IGDCC4: variants seen among roughly 807,000 people sequenced by gnomAD.
The protein encoded by IGDCC4 is likely ortholog of mouse neighbor of Punc E11.
A neutral mutation model predicts 116.6 loss-of-function variants in IGDCC4; 72 were observed. The observed-to-expected ratio is 0.62, with a 90% CI of 0.51 to 0.75. The LOEUF (loss-of-function observed/expected upper bound fraction) is 0.75. Among genes scored for constraint, IGDCC4 ranks in the 30% least tolerant of loss-of-function variants. IGDCC4 has a pLI of 0.00. For missense variants in IGDCC4, 1,501 were observed against 1,662.4 expected (o/e 0.90, Z 1.69); for synonymous variants, 709 against 719.9 (o/e 0.98, Z 0.24).
rs74786113 is a variant in IGDCC4, at chr15:65,420,998, A to G, written c.70+1795T>C. ...CAAGCTAGCCTATAAAAGGTGCTCCATAAATATTTGTTGAACGAATGAATG... is the reference window on the plus strand; with the variant it reads ...CAAGCTAGCCTATAAAAGGTGCTCCGTAAATATTTGTTGAACGAATGAATG... On this transcript the variant is annotated intron_variant, in intron 1 of 19. Coordinates refer to ENST00000352385, the MANE Select transcript of IGDCC4 (RefSeq NM_020962.3). 9.7e-3 allele frequency among the ~76,000 whole-genome samples: 1,479 copies of G among 152,316 alleles called. 23 individuals carry two copies. Among genetic ancestry groups the G allele is most frequent in the African/African-American group, 0.034 (1,418 of 41,552 alleles).
Position 65,411,204 on chromosome 15 carries a change from C to T in IGDCC4, c.237G>A (p.Leu79=), listed in dbSNP as rs769772994. The change falls in exon 2 of 20, where the codon CTG becomes CTA. Residue 79 remains leucine, a synonymous_variant. Coordinates refer to ENST00000352385, the MANE Select transcript of IGDCC4 (RefSeq NM_020962.3). ...GCAGGTGTAAGTGGTCGTGCTCCAG[C>T]AGGGTGTCCCCATCCTTGCTCCAGG... The part of the protein sequence containing the change: ...RVTWSKDGDT[L]LEHDHLHLLP... 1 of 1,614,182 alleles carries T rather than the reference C, an allele frequency of 6.2e-7. No individual in the cohort carries two copies. Among genetic ancestry groups the T allele is most frequent in the African/African-American group, 1.3e-5 (1 of 75,044 alleles).
chr15:65,416,112 C>T (rs1317013400), intron 1 of IGDCC4, among the ~76,000 whole-genome samples: 1 of 150,164 alleles, frequency 6.7e-6, no homozygotes, highest in African/African-American at 2.5e-5. Flanking sequence ...TTACGAGGCT[C>T]GCTGACTGCC....
Position 65,396,931 on chromosome 15 carries a change from G to A in IGDCC4, c.900C>T (p.Ala300=). The part of the protein sequence containing the change: ...IVLGRTNLLI[A]NAQPWHSGVY... ...CGCCGGAGTGCCAGGGCTGCGCGTT[G>A]GCAATTAGTAGGTTGGTGCGGCCCA... is the stretch of plus-strand genomic sequence containing the variant. Residue 300 remains alanine, a synonymous_variant, in exon 6 of 20, where the codon GCC becomes GCT. Coordinates refer to ENST00000352385, the MANE Select transcript of IGDCC4 (RefSeq NM_020962.3). 6.3e-7 allele frequency: 1 copy of A among 1,575,920 alleles called. No homozygotes were observed.
chr15:65,405,834 G>A lies in IGDCC4; in HGVS notation c.564-3347C>T, dbSNP rs1373194702. ...AATGAAAAACAATCTCAACTCGAAA[G>A]GAAGGGATGATTCTTTTTCCAGCCT... On this transcript the variant is annotated intron_variant, in intron 3 of 19. Coordinates refer to ENST00000352385, the MANE Select transcript of IGDCC4 (RefSeq NM_020962.3). 2.6e-5 allele frequency among the ~76,000 whole-genome samples: 4 copies of A among 152,196 alleles called. No homozygotes were observed. In the East Asian group the frequency reaches 7.7e-4, roughly 29 times the overall value.
In IGDCC4 at chr15:65,411,239, T is replaced by G. The variant is rs779593483; in HGVS notation, c.202A>C (p.Thr68Pro). The G allele has an allele frequency of 3.1e-6, 5 of 1,614,102 alleles. No homozygotes were observed. The South Asian group carries it at 5.5e-5, about 18-fold the overall frequency. The part of the protein sequence containing the change: ...SLGAAAAGPP[T>P]RVTWSKDGDT... ...CCATCCTTGCTCCAGGTCACCCTGG[T>G]GGGGGGTCCAGCGGCAGCAGCCCCC... The change falls in exon 2 of 20, where the codon ACC (threonine) becomes CCC (proline). Residue 68 changes from threonine (T) to proline (P), a missense_variant. Transcript: ENST00000352385.
At chr15:65,385,563 G>A in intron 18 of IGDCC4, 1 of 585,796 alleles carries the variant, frequency 1.7e-6, no homozygotes, top group East Asian at 2.9e-5. Context: ...CCAGGGATGA[G>A]GAGGGAGCTG....
In IGDCC4 at chr15:65,384,279, T is replaced by A; in HGVS notation, c.3483A>T (p.Pro1161=). ...CACCCGAGATGAGATCAGGAGCCTC[T>A]GGAGGCAGGGGGTCCTCAGGCTCCA... ...QDLEPEDPLP[P]EAPDLISGVG... is the part of the protein sequence containing the mutation. Residue 1161 remains proline (P), a synonymous_variant, in exon 20 of 20, where the codon CCA becomes CCT. Transcript: ENST00000352385. This position sits in a 1 kb window ranked among gnomAD's most constrained non-coding sequence, Gnocchi z 4.9. 6.2e-7 allele frequency: 1 copy of A among 1,605,478 alleles called. No individual in the cohort carries two copies. The highest frequency in any genetic ancestry group is 1.7e-4 in the Middle Eastern group (1 of 6,008).
At chr15:65,403,605 A>G (rs736923) in intron 3 of IGDCC4, among the ~76,000 whole-genome samples, 36,660 of 152,062 alleles carry the variant, frequency 0.24, 5,188 homozygotes, top group East Asian at 0.7. Context: ...AGGATCTCAC[A>G]GGTGGAGCAG....
chr15:65,417,363 C>A (rs2063154108), intron 1 of IGDCC4, among the ~76,000 whole-genome samples: 2 of 152,102 alleles, frequency 1.3e-5, no homozygotes, highest in South Asian at 4.1e-4. Context: ...TCAGCCTATC[C>A]AACAGCAAAG....
chr15:65,402,531 C>T (rs758305012), intron 3 of IGDCC4, 44 bp from the exon 4 acceptor site: 4 of 1,550,546 alleles, frequency 2.6e-6, no homozygotes, highest in Non-Finnish European at 3.5e-6. Flanking sequence ...GGCAGGGGGG[C>T]CACAGGGAGG....
chr15:65,412,511 C>CAAAA (rs3082805), intron 1 of IGDCC4, among the ~76,000 whole-genome samples: 261 of 16,716 alleles, frequency 0.016, 108 homozygotes, highest in African/African-American at 0.036. Flanking sequence ...GATTCCATCT[C>CAAAA]AAAAAAAAAA....
chr15:65,414,978 T>C (rs905227311), intron 1 of IGDCC4, among the ~76,000 whole-genome samples: 14 of 152,186 alleles, frequency 9.2e-5, no homozygotes, highest in African/African-American at 3.1e-4. Context: ...AGGCATGAGC[T>C]ACCATGCCCG....
chr15:65,388,985 T>A lies in IGDCC4; in HGVS notation c.2537-7A>T, dbSNP rs1407504562. 5 of 1,567,364 alleles carry A rather than the reference T, an allele frequency of 3.2e-6. No individual in the cohort carries two copies. The highest frequency in any genetic ancestry group is 4.3e-6 in the Non-Finnish European group (5 of 1,156,326). Reference sequence around the variant, plus strand: ...GATGGGGGTGTGGAGGGCCCTGGGGTGCGGGAGAGGAGATGGGGAGAGATG... The same window carrying A: ...GATGGGGGTGTGGAGGGCCCTGGGGAGCGGGAGAGGAGATGGGGAGAGATG... On this transcript the variant is annotated splice_polypyrimidine_tract_variant and splice_region_variant and intron_variant, in intron 14 of 19. Coordinates refer to ENST00000352385, the MANE Select transcript of IGDCC4 (RefSeq NM_020962.3).
rs773431215 is a variant in IGDCC4 at position 65,411,033 on chromosome 15, G to A, written c.408C>T (p.Val136=). The change falls in exon 2 of 20, where the codon GTC becomes GTT. Residue 136 remains valine (V), a synonymous_variant. Coordinates refer to ENST00000352385, the MANE Select transcript of IGDCC4 (RefSeq NM_020962.3). ...PLGVLASQTA[V]VKLATLADFS... ...GCAAGCACTTACTGGCAAGCTTGAC[G>A]ACAGCAGTCTGGCTGGCCAGCACTC... The A allele has an allele frequency of 1.2e-6, 2 of 1,608,668 alleles. No homozygotes were observed. Among genetic ancestry groups the A allele is most frequent in the African/African-American group, 1.3e-5 (1 of 74,982 alleles).
At chr15:65,410,545 G>T in intron 2 of IGDCC4, 1 of 584,942 alleles carries the variant, frequency 1.7e-6, no homozygotes, top group Non-Finnish European at 3.0e-6. Flanking sequence ...ACATCATCAT[G>T]ATGGTCAAAC....
chr15:65,384,362 T>A lies in IGDCC4; in HGVS notation c.3400A>T (p.Ile1134Phe). 6.4e-7 allele frequency: 1 copy of A among 1,565,308 alleles called. No individual in the cohort carries two copies. The highest frequency in any genetic ancestry group is 8.6e-7 in the Non-Finnish European group (1 of 1,156,734). The stretch of plus-strand genomic sequence containing the variant: ...GATGCACTAAAGTCAGAGTGGACAA[T>A]GACTTCAGCCTCCACCTGGTTCCTG... ...ACRNQVEAEV[I>F]VHSDFSASNG... The change falls in exon 20 of 20, where the codon ATT (isoleucine) becomes TTT (phenylalanine). Residue 1134 changes from isoleucine to phenylalanine, a missense_variant. Transcript: ENST00000352385. The surrounding 1 kb of genome is among the most constrained non-coding windows in gnomAD (Gnocchi z 4.9).
rs1443686616 is a variant in IGDCC4, at chr15:65,390,335, A to G, written c.2228T>C (p.Met743Thr). The stretch of plus-strand genomic sequence containing the variant: ...CAGGGGTGGTCCCCTCTGGATAGGC[A>G]TGTCTGAAAGGTGAAAACTAGAGTG... ...GKTEKAPAPD[M>T]PIQRGPPLPP... is the part of the protein sequence containing the mutation. Residue 743 changes from methionine to threonine, a missense_variant, in exon 13 of 20, where the codon ATG becomes ACG. Around this residue, in one of 3 missense-constraint regions of IGDCC4, gnomAD observed 235 missense variants for 328.0 expected, o/e 0.72. Transcript: ENST00000352385. 12 of 1,590,138 alleles carry G rather than the reference A, an allele frequency of 7.5e-6. No homozygotes were observed. The highest frequency in any genetic ancestry group is 5.4e-5 in the African/African-American group (4 of 74,584).
chr15:65,412,320 T>C (rs2063102257), intron 1 of IGDCC4, among the ~76,000 whole-genome samples: 1 of 151,874 alleles, frequency 6.6e-6, no homozygotes, highest in South Asian at 2.1e-4. Flanking sequence ...AAGACCAGCC[T>C]GACCAACATG....
At chr15:65,399,003 TC>T (rs1418070390) in intron 5 of IGDCC4, among the ~76,000 whole-genome samples, 1 of 152,192 alleles carries the variant, frequency 6.6e-6, no homozygotes, top group African/African-American at 2.4e-5. Context: ...GAAGCTCCTT[TC>T]CAGCCCTTCT....
Sources: gnomAD v4.1 joint callset for allele counts (sites outside exome capture counted in the v4.1 genomes callset) on GRCh38, gnomAD v4.1.1 for gene constraint, gnomAD v4.1.1 regional missense constraint, Gnocchi (gnomAD v3.1) non-coding constraint, MANE v1.5 for transcripts, NCBI Gene and HGNC (gene_info 2026-07-23, HGNC 2026-07-21) for gene names.